KCNC2: variants seen among roughly 807,000 people sequenced by gnomAD.
KCNC2 encodes the protein voltage-gated potassium channel KCNC2.
In KCNC2, 21 loss-of-function variants were observed where a neutral mutation model predicts 44.5. The ratio of observed to expected loss-of-function variants is 0.47; its 90% CI spans 0.33 to 0.68. The LOEUF (loss-of-function observed/expected upper bound fraction) is 0.68, where lower values mean the gene tolerates loss of function less well. Among genes scored for constraint, KCNC2 ranks in the 30% least tolerant of loss-of-function variants. KCNC2 has a pLI of 0.01. For missense variants in KCNC2, 589 were observed against 826.2 expected (o/e 0.71, Z 3.52); for synonymous variants, 391 against 339.1 (o/e 1.15, Z -1.68).
chr12:75,114,518 G>A (rs1887499596), intron 2 of KCNC2, among the ~76,000 whole-genome samples: 1 of 152,128 alleles, frequency 6.6e-6, no homozygotes, highest in Non-Finnish European at 1.5e-5. Context: ...CCCTGAGCCT[G>A]TATTCTGTAA....
chr12:75,202,801 T>C (rs1254313176), intron 2 of KCNC2, among the ~76,000 whole-genome samples: 1 of 151,484 alleles, frequency 6.6e-6, no homozygotes, highest in Non-Finnish European at 1.5e-5. Flanking sequence ...GTGAGTTTTT[T>C]TTTTTTAGGA....
At chr12:75,043,464 C>T (rs1030245079) in intron 4 of KCNC2, 4 of 1,317,812 alleles carry the variant, frequency 3.0e-6, no homozygotes, top group Non-Finnish European at 3.9e-6. Flanking sequence ...TGTTACAATA[C>T]TTCAAAATAT....
chr12:75,050,346 G>C (rs750903919), intron 3 of KCNC2, 44 bp downstream of exon 3: 2 of 1,344,942 alleles, frequency 1.5e-6, no homozygotes, highest in Admixed American at 1.9e-5. Flanking sequence ...GAACATACTG[G>C]TCTATAAAGT....
chr12:75,105,686 G>C (rs906932863), intron 2 of KCNC2, among the ~76,000 whole-genome samples: 1 of 152,148 alleles, frequency 6.6e-6, no homozygotes, highest in African/African-American at 2.4e-5. Flanking sequence ...AACTTGACTT[G>C]AAAGTTTTTG....
chr12:75,111,591 C>T (rs1041695393), intron 2 of KCNC2, among the ~76,000 whole-genome samples: 2 of 151,584 alleles, frequency 1.3e-5, no homozygotes, highest in Non-Finnish European at 2.9e-5. Context: ...TTTTTTTCTC[C>T]AATTTTTATT....
intron 2 of KCNC2, among the ~76,000 whole-genome samples, chr12:75,129,348 C>G (rs573312766): frequency 1.3e-5 from 2 of 152,170 alleles, no homozygotes; most frequent in Non-Finnish European, 2.9e-5. Flanking sequence ...TAACAAACAT[C>G]CAGTGATTTA....
intron 2 of KCNC2, among the ~76,000 whole-genome samples, chr12:75,136,338 CAGAA>C: frequency 2.0e-5 from 3 of 151,644 alleles, no homozygotes; most frequent in Admixed American, 6.6e-5. Flanking sequence ...TAACAAAAAT[CAGAA>C]TAGAACTAAG....
chr12:75,162,172 T>C (rs1158501871), intron 2 of KCNC2, among the ~76,000 whole-genome samples: 2 of 151,806 alleles, frequency 1.3e-5, no homozygotes, highest in Non-Finnish European at 2.9e-5. Flanking sequence ...AGTCTTCCAT[T>C]GAGCCAGGAG....
At chr12:75,152,314 C>A (rs369238889) in intron 2 of KCNC2, among the ~76,000 whole-genome samples, 1 of 150,476 alleles carries the variant, frequency 6.6e-6, no homozygotes, top group African/African-American at 2.4e-5. Flanking sequence ...TTAAAATCAA[C>A]GAAAAAGAAA....
At chr12:75,051,737 C>G (rs182154558) in intron 2 of KCNC2, among the ~76,000 whole-genome samples, 15 of 152,022 alleles carry the variant, frequency 9.9e-5, no homozygotes, top group African/African-American at 3.6e-4. Context: ...ATTTAAGGTG[C>G]ATGACACAGT....
chr12:75,066,658 A>G (rs1000529986), intron 2 of KCNC2, among the ~76,000 whole-genome samples: 2 of 152,210 alleles, frequency 1.3e-5, no homozygotes, highest in African/African-American at 4.8e-5. Flanking sequence ...TTTAAATACT[A>G]ATTTCAAGAG....
At chr12:75,179,436 C>A (rs1593038675) in intron 2 of KCNC2, among the ~76,000 whole-genome samples, 1 of 151,788 alleles carries the variant, frequency 6.6e-6, no homozygotes, top group African/African-American at 2.4e-5. Context: ...TGAACAAAGT[C>A]TTTTGAAAAA....
chr12:75,124,753 T>C (rs751520353), intron 2 of KCNC2: 1 of 152,212 alleles, frequency 6.6e-6, no homozygotes, highest in Non-Finnish European at 1.5e-5. Flanking sequence ...TCATTCTTGA[T>C]ATATTTCTTA....
chr12:75,126,205 G>T (rs1348152523), intron 2 of KCNC2, among the ~76,000 whole-genome samples: 1 of 152,118 alleles, frequency 6.6e-6, no homozygotes, highest in East Asian at 1.9e-4. Context: ...TCAAATGCAT[G>T]TTTGCTACAT....
At chr12:75,060,720 C>T (rs1882233717) in intron 2 of KCNC2, among the ~76,000 whole-genome samples, 1 of 152,122 alleles carries the variant, frequency 6.6e-6, no homozygotes, top group African/African-American at 2.4e-5. Flanking sequence ...GTCTGCCTTC[C>T]TCAGCCTCCC....
chr12:75,070,822 C>T (rs928827963), intron 2 of KCNC2, among the ~76,000 whole-genome samples: 4 of 151,838 alleles, frequency 2.6e-5, no homozygotes, highest in South Asian at 4.2e-4. Context: ...ACAAATATTT[C>T]GATAAACTAT....
chr12:75,042,695 A>G lies in KCNC2; in HGVS notation c.*410T>C, dbSNP rs960384054. 8.4e-7 allele frequency: 1 copy of G among 1,186,134 alleles called. No individual in the cohort carries two copies. Among genetic ancestry groups the G allele is most frequent in the African/African-American group, 1.6e-5 (1 of 63,128 alleles). The allele number at this position is 1,186,134 out of a possible 1,614,324, so 73.5% of individuals were successfully genotyped here. ...GCTGACACAAGTCATGTCGTGTGCA[A>G]TCAAGATAGGATCCCAGACATCTTC... On this transcript the variant is annotated 3_prime_UTR_variant, in exon 5 of 5. Coordinates refer to ENST00000549446, the MANE Select transcript of KCNC2 (RefSeq NM_139137.4).
At chr12:75,074,718 C>T (rs1431571707) in intron 2 of KCNC2, among the ~76,000 whole-genome samples, 2 of 152,152 alleles carry the variant, frequency 1.3e-5, no homozygotes, top group Non-Finnish European at 2.9e-5. Context: ...ATTTATTATA[C>T]ATCTACTGTG....
intron 2 of KCNC2, among the ~76,000 whole-genome samples, chr12:75,128,660 A>T (rs577177374): frequency 6.6e-6 from 1 of 152,276 alleles, no homozygotes; most frequent in African/African-American, 2.4e-5. Flanking sequence ...ACAGGAAAAA[A>T]AACAGATATT....
Sources: allele counts gnomAD v4.1 joint callset (sites outside exome capture counted in the v4.1 genomes callset), GRCh38; gene constraint gnomAD v4.1.1; transcripts MANE v1.5; gene names NCBI Gene and HGNC (gene_info 2026-07-23, HGNC 2026-07-21).